Variants in RALGPS1 observed in about 807,000 individuals in gnomAD.
RALGPS1 encodes the protein ras-specific guanine nucleotide-releasing factor RalGPS1.
Under a neutral mutation model 78.8 loss-of-function variants are expected in RALGPS1, and 19 were observed. The ratio of observed to expected loss-of-function variants is 0.24; its 90% CI spans 0.17 to 0.35. The LOEUF (loss-of-function observed/expected upper bound fraction) is 0.35, where lower values mean the gene tolerates loss of function less well. Ranked by LOEUF, RALGPS1 falls within the 10% of genes least tolerant of loss-of-function variation. RALGPS1 has a pLI of 1.00. For synonymous variants in RALGPS1, 228 were observed against 256.3 expected (o/e 0.89, Z 1.06); for missense variants, 454 against 688.3 (o/e 0.66, Z 3.81).
At chr9:127,140,201 CT>C (rs1462477881) in intron 8 of RALGPS1, among the ~76,000 whole-genome samples, 1 of 152,242 alleles carries the variant, frequency 6.6e-6, no homozygotes, top group African/African-American at 2.4e-5. Flanking sequence ...CCTTTTACCA[CT>C]TTTCCTCCTG....
At chr9:127,113,715 C>T (rs1237912683) in intron 8 of RALGPS1, among the ~76,000 whole-genome samples, 2 of 152,234 alleles carry the variant, frequency 1.3e-5, no homozygotes, top group East Asian at 1.9e-4. Flanking sequence ...TTTTCCCTCC[C>T]CACAAGTGAG....
chr9:126,946,579 G>A (rs1161408212), intron 1 of RALGPS1, among the ~76,000 whole-genome samples: 1 of 150,118 alleles, frequency 6.7e-6, no homozygotes, highest in Non-Finnish European at 1.5e-5. Flanking sequence ...TACAGAGTTA[G>A]GAAAAGGAAA....
At position 127,183,973 on chromosome 9, in the gene RALGPS1, A is replaced by C. The variant is rs1430477937; in HGVS notation, c.910+9191A>C. 2.6e-6 allele frequency: 4 copies of C among 1,550,148 alleles called. No individual in the cohort carries two copies. Among genetic ancestry groups the C allele is most frequent in the Middle Eastern group, 3.3e-4 (2 of 6,014 alleles). ...GGATGTGGCCCAGCTCCTCACGAGTACCAGCGGCTCCCCCAGCATCTGCTG... is the reference window on the plus strand; with the variant it reads ...GGATGTGGCCCAGCTCCTCACGAGTCCCAGCGGCTCCCCCAGCATCTGCTG... On this transcript the variant is annotated intron_variant, in intron 11 of 18. Coordinates refer to ENST00000259351, the MANE Select transcript of RALGPS1 (RefSeq NM_014636.3). The surrounding 1 kb of genome is among the most constrained non-coding windows in gnomAD (Gnocchi z 4.0).
At chr9:127,163,050 A>G (rs2059109248) in intron 8 of RALGPS1, among the ~76,000 whole-genome samples, 1 of 152,142 alleles carries the variant, frequency 6.6e-6, no homozygotes, top group South Asian at 2.1e-4. Context: ...TTTGATACCC[A>G]GGGAGCAAGT....
In RALGPS1 at chr9:127,222,497, C is replaced by T. The variant is rs938564676; in HGVS notation, c.*3728C>T. ...TTAATTTCAATGTTAAATACAACTACAATATGAGCGAGAACTGCATTTTCT... is the reference window on the plus strand; with the variant it reads ...TTAATTTCAATGTTAAATACAACTATAATATGAGCGAGAACTGCATTTTCT... On this transcript the variant is annotated 3_prime_UTR_variant, in exon 19 of 19. Transcript: ENST00000259351. 6.6e-6 allele frequency: 1 copy of T among 152,224 alleles called. No homozygotes were observed. Among genetic ancestry groups the T allele is most frequent in the Non-Finnish European group, 1.5e-5 (1 of 68,044 alleles). 9.4% of individuals were successfully genotyped at this position (152,224 alleles called of 1,614,324 possible).
chr9:126,956,494 A>C (rs906083599), intron 1 of RALGPS1, among the ~76,000 whole-genome samples: 1 of 152,202 alleles, frequency 6.6e-6, no homozygotes, highest in African/African-American at 2.4e-5. Flanking sequence ...ACTGGAAACA[A>C]GTGCTCTGTC....
At chr9:127,204,103 G>A (rs1458605819) in intron 14 of RALGPS1, among the ~76,000 whole-genome samples, 1 of 152,220 alleles carries the variant, frequency 6.6e-6, no homozygotes, top group Non-Finnish European at 1.5e-5. Context: ...GCCCTGTGAT[G>A]AGGCTAGGCA....
intron 8 of RALGPS1, among the ~76,000 whole-genome samples, chr9:127,071,024 T>TCC (rs2050150231): frequency 6.8e-6 from 1 of 146,956 alleles, no homozygotes; most frequent in African/African-American, 2.5e-5. Context: ...TAAATTTGAA[T>TCC]CTCTCTCTCT....
intron 8 of RALGPS1, among the ~76,000 whole-genome samples, chr9:127,159,847 T>TC (rs1160948871): frequency 6.6e-6 from 1 of 152,202 alleles, no homozygotes; most frequent in Admixed American, 6.5e-5. Context: ...CACTCCTGAA[T>TC]ACTGAAGTTT....
At chr9:126,916,681 C>G (rs1016138823) in intron 1 of RALGPS1, among the ~76,000 whole-genome samples, 1 of 152,154 alleles carries the variant, frequency 6.6e-6, no homozygotes, top group East Asian at 1.9e-4. Context: ...ACTCAGGAGG[C>G]TGAGGCCGAG....
At chr9:127,179,073 GGCTGACT>G (rs1268392673) in intron 11 of RALGPS1, among the ~76,000 whole-genome samples, 1 of 152,242 alleles carries the variant, frequency 6.6e-6, no homozygotes, top group Non-Finnish European at 1.5e-5. Context: ...CTCCAGAGTG[GGCTGACT>G]GCTGACTCGG....
At chr9:126,933,381 A>G (rs1231252421) in intron 1 of RALGPS1, among the ~76,000 whole-genome samples, 2 of 151,858 alleles carry the variant, frequency 1.3e-5, no homozygotes, top group Non-Finnish European at 2.9e-5. Flanking sequence ...GGCAGGGGTT[A>G]CTGAGTGGGT....
chr9:126,945,052 ACAGGAGGCAGCC>A (rs997461680), intron 1 of RALGPS1, among the ~76,000 whole-genome samples: 1 of 152,182 alleles, frequency 6.6e-6, no homozygotes, highest in Non-Finnish European at 1.5e-5. Flanking sequence ...CTTCCTGTCC[ACAGGAGGCAGCC>A]CAGGAGGCTC....
chr9:127,088,852 G>A (rs2052086941), intron 8 of RALGPS1: 1 of 1,472,574 alleles, frequency 6.8e-7, no homozygotes, highest in Non-Finnish European at 9.5e-7. Context: ...AGGATGAACT[G>A]GTGAGGAGTT....
chr9:127,112,844 C>T (rs2054982936), intron 8 of RALGPS1, among the ~76,000 whole-genome samples: 1 of 152,262 alleles, frequency 6.6e-6, no homozygotes, highest in Admixed American at 6.5e-5. Flanking sequence ...TTGACTAATG[C>T]TTGCACAGGG....
At chr9:126,960,197 TTCCCTCCCTCCCTCCCTCC>T (rs2038755666) in intron 1 of RALGPS1, among the ~76,000 whole-genome samples, 4 of 42,140 alleles carry the variant, frequency 9.5e-5, no homozygotes, top group African/African-American at 5.9e-4. Flanking sequence ...CCTCCCTTCC[TTCCCTCCCTCCCTCCCTCC>T]CTCCCTTCCT....
intron 8 of RALGPS1, chr9:127,070,113 G>GA (rs2050064191): frequency 6.6e-6 from 1 of 152,134 alleles, no homozygotes; most frequent in South Asian, 2.1e-4. Flanking sequence ...GTTTCAGGAT[G>GA]AAGCTGTTCC....
In RALGPS1 at chr9:127,210,596, C is replaced by T. The variant is rs139572752; in HGVS notation, c.1248-1535C>T. ...GGAGGGAGGTTGCTCTGCGGGACTT[C>T]CTGAGCTAATTGACTATGTTGTCGG... On this transcript the variant is annotated intron_variant, in intron 14 of 18. Transcript: ENST00000259351. The T allele has an allele frequency of 8.0e-4, 712 of 895,594 alleles. 1 individual carries two copies. The African/African-American group carries it at 0.011, about 13-fold the overall frequency. 55.5% of individuals were successfully genotyped at this position (895,594 alleles called of 1,614,324 possible). A position where few individuals can be genotyped will look rare whatever the true frequency, so the allele number is the denominator to read the frequency against.
chr9:127,189,509 C>A (rs2060904980), intron 11 of RALGPS1, among the ~76,000 whole-genome samples: 1 of 152,124 alleles, frequency 6.6e-6, no homozygotes. Flanking sequence ...TGGTGCCTAC[C>A]CACTGAGCTT....
Sources: gnomAD v4.1 joint callset for allele counts (sites outside exome capture counted in the v4.1 genomes callset) on GRCh38, gnomAD v4.1.1 for gene constraint, Gnocchi (gnomAD v3.1) non-coding constraint, MANE v1.5 for transcripts, NCBI Gene and HGNC (gene_info 2026-07-23, HGNC 2026-07-21) for gene names.